RTN1: variants seen among roughly 807,000 people sequenced by gnomAD.
RTN1 encodes the protein reticulon 1.
RTN1 carries 25 observed loss-of-function variants against 65.5 expected under a neutral mutation model. The observed-to-expected ratio is 0.38, with a 90% confidence interval of 0.28 to 0.53. The LOEUF is 0.53. Ranked by LOEUF, RTN1 falls within the 20% of genes least tolerant of loss-of-function variation. The pLI is 0.79. For synonymous variants in RTN1, 471 were observed against 447.6 expected (o/e 1.05, Z -0.66); for missense variants, 983 against 1,025.4 (o/e 0.96, Z 0.57).
Position 59,798,530 on chromosome 14 carries a change from C to A in RTN1, c.242-52049G>T, listed in dbSNP as rs948198935. Among the ~76,000 whole-genome samples the A allele has an allele frequency of 3.9e-5, 6 of 152,048 alleles. No individual in the cohort carries two copies. In the East Asian group the frequency reaches 1.2e-3, roughly 29 times the overall value. On this transcript the variant is annotated intron_variant, in intron 1 of 8. Transcript: ENST00000267484. Reference sequence around the variant, plus strand: ...CTGCCTACATTCCTTGGCTTGTGCCCCATTCTCCATCTTCAAAGCCAGCAT... The same window carrying A: ...CTGCCTACATTCCTTGGCTTGTGCCACATTCTCCATCTTCAAAGCCAGCAT...
At chr14:59,618,921 A>G (rs1882180847) in intron 3 of RTN1, among the ~76,000 whole-genome samples, 1 of 152,230 alleles carries the variant, frequency 6.6e-6, no homozygotes, top group African/African-American at 2.4e-5. Context: ...TCCTGCTTTT[A>G]AGGAATTTTA....
intron 3 of RTN1, among the ~76,000 whole-genome samples, chr14:59,692,484 C>T (rs559777911): frequency 1.9e-4 from 29 of 152,174 alleles, no homozygotes; most frequent in Non-Finnish European, 3.2e-4. Flanking sequence ...AATGGCCATA[C>T]TGCCCAAAGC....
At chr14:59,807,175 A>T (rs1212399586) in intron 1 of RTN1, among the ~76,000 whole-genome samples, 2 of 152,210 alleles carry the variant, frequency 1.3e-5, no homozygotes, top group East Asian at 3.9e-4. Context: ...CTTTCTAGGA[A>T]GCATGGTGGG....
intron 1 of RTN1, among the ~76,000 whole-genome samples, chr14:59,793,977 T>C (rs182245895): frequency 6.6e-6 from 1 of 152,266 alleles, no homozygotes; most frequent in Admixed American, 6.5e-5. Context: ...TCTTCAGTAG[T>C]GAACATTGTC....
At chr14:59,710,585 A>G (rs1884397838) in intron 3 of RTN1, among the ~76,000 whole-genome samples, 1 of 152,220 alleles carries the variant, frequency 6.6e-6, no homozygotes, top group Non-Finnish European at 1.5e-5. Flanking sequence ...ATGGTGAAAA[A>G]GCAGCCCATG....
chr14:59,761,035 G>T (rs1222151157), intron 1 of RTN1, among the ~76,000 whole-genome samples: 1 of 152,162 alleles, frequency 6.6e-6, no homozygotes, highest in Admixed American at 6.5e-5. Flanking sequence ...TATAGCCGCT[G>T]CCCACACTAT....
At chr14:59,811,190 A>G (rs1348544727) in intron 1 of RTN1, among the ~76,000 whole-genome samples, 17 of 152,152 alleles carry the variant, frequency 1.1e-4, no homozygotes, top group Admixed American at 1.1e-3. Flanking sequence ...ATGGATACTC[A>G]GTAGGAATGT....
At position 59,867,754 on chromosome 14, in the gene RTN1, C is replaced by A. The variant is rs540296217; in HGVS notation, c.241+2636G>T. 3.3e-5 allele frequency among the ~76,000 whole-genome samples: 5 copies of A among 152,122 alleles called. No individual in the cohort carries two copies. The East Asian group carries it at 5.8e-4, about 18-fold the overall frequency. ...CTTATATTTCCATCTAAAAAAGAAA[C>A]AAAATCTGTTTACAGTGCATCACAC... On this transcript the variant is annotated intron_variant, in intron 1 of 8. Transcript: ENST00000267484.
chr14:59,869,877 G>A (rs1274408007), intron 1 of RTN1, among the ~76,000 whole-genome samples: 4 of 152,182 alleles, frequency 2.6e-5, no homozygotes, highest in East Asian at 1.9e-4. Flanking sequence ...GCGATTCGTG[G>A]AGGGCAAGGG....
At chr14:59,813,628 G>A (rs1406897015) in intron 1 of RTN1, among the ~76,000 whole-genome samples, 1 of 151,998 alleles carries the variant, frequency 6.6e-6, no homozygotes, top group Non-Finnish European at 1.5e-5. Flanking sequence ...GTGTAATTCC[G>A]GAAAAAAGAG....
In RTN1 at chr14:59,849,821, CT is replaced by C. The variant is rs769586563; in HGVS notation, c.241+20568del. Among the ~76,000 whole-genome samples the C allele has an allele frequency of 6.6e-5, 10 of 152,210 alleles. No individual in the cohort carries two copies. The highest frequency in any genetic ancestry group is 1.3e-4 in the Non-Finnish European group (9 of 68,042). ...TCCAGGTTCTAGAATTTAGCCAAGT[CT>C]TCTTAACTACTTCTCTTTTCCTCTT... On this transcript the variant is annotated intron_variant, in intron 1 of 8. Coordinates refer to ENST00000267484, the MANE Select transcript of RTN1 (RefSeq NM_021136.3). This position sits in a 1 kb window ranked among gnomAD's most constrained non-coding sequence, Gnocchi z 4.5.
At chr14:59,596,900 A>G (rs1251390272) in intron 8 of RTN1, 113 bp from the exon 9 acceptor site, 2 of 788,164 alleles carry the variant, frequency 2.5e-6, no homozygotes, top group African/African-American at 3.4e-5. Flanking sequence ...TCCAGAAGAT[A>G]TTATAGTCTT....
At position 59,767,461 on chromosome 14, in the gene RTN1, G is replaced by C. The variant is rs557758839; in HGVS notation, c.242-20980C>G. Among the ~76,000 whole-genome samples, 7 of 152,290 alleles carry C rather than the reference G, an allele frequency of 4.6e-5. No individual in the cohort carries two copies. The East Asian group carries it at 1.4e-3, about 29-fold the overall frequency. Reference sequence around the variant, plus strand: ...CTTACCTGACCGCTCACCTACCTCTGAACTGATAAATCAGAGAGAAACTTT... The same window carrying C: ...CTTACCTGACCGCTCACCTACCTCTCAACTGATAAATCAGAGAGAAACTTT... On this transcript the variant is annotated intron_variant, in intron 1 of 8. Coordinates refer to ENST00000267484, the MANE Select transcript of RTN1 (RefSeq NM_021136.3).
intron 1 of RTN1, among the ~76,000 whole-genome samples, chr14:59,793,342 ATGTGAACTAT>A (rs1886383124): frequency 6.6e-6 from 1 of 152,220 alleles, no homozygotes; most frequent in African/African-American, 2.4e-5. Flanking sequence ...GACTCAGGAC[ATGTGAACTAT>A]GGTCTCCACC....
intron 1 of RTN1, among the ~76,000 whole-genome samples, chr14:59,812,894 T>A (rs1305881808): frequency 6.6e-6 from 1 of 152,216 alleles, no homozygotes; most frequent in Non-Finnish European, 1.5e-5. Context: ...ATCTTCTGTA[T>A]CTTATCAAGT....
At chr14:59,783,743 T>A (rs111820300) in intron 1 of RTN1, among the ~76,000 whole-genome samples, 2 of 152,158 alleles carry the variant, frequency 1.3e-5, no homozygotes, top group African/African-American at 4.8e-5. Flanking sequence ...TATCAGACAC[T>A]GAGGGTTCCT....
chr14:59,622,266 A>G (rs1358904406), intron 3 of RTN1, among the ~76,000 whole-genome samples: 4 of 152,194 alleles, frequency 2.6e-5, no homozygotes, highest in African/African-American at 9.6e-5. Context: ...ACTTGAACCC[A>G]GGAGGTAGAG....
chr14:59,655,457 A>AAATTG (rs1445393379), intron 3 of RTN1, among the ~76,000 whole-genome samples: 2 of 152,246 alleles, frequency 1.3e-5, no homozygotes, highest in African/African-American at 4.8e-5. Flanking sequence ...TTGTTTTCAG[A>AAATTG]AATTGACAAC....
At chr14:59,660,334 C>A (rs1265949803) in intron 3 of RTN1, among the ~76,000 whole-genome samples, 1 of 152,032 alleles carries the variant, frequency 6.6e-6, no homozygotes, top group African/African-American at 2.4e-5. Context: ...AGATCAATGA[C>A]ACAGAAAATT....
Sources: allele counts gnomAD v4.1 joint callset (sites outside exome capture counted in the v4.1 genomes callset), GRCh38; gene constraint gnomAD v4.1.1; non-coding constraint Gnocchi (gnomAD v3.1); transcripts MANE v1.5; gene names NCBI Gene and HGNC (gene_info 2026-07-23, HGNC 2026-07-21).